Variants in N4BP2 observed in about 807,000 individuals in gnomAD.
N4BP2 encodes NEDD4-binding protein 2.
A neutral mutation model predicts 152.8 loss-of-function variants in N4BP2; 91 were observed. The observed-to-expected ratio is 0.60, with a 90% confidence interval of 0.50 to 0.71. The LOEUF (loss-of-function observed/expected upper bound fraction) is 0.71. Among genes scored for constraint, N4BP2 ranks in the 30% least tolerant of loss-of-function variants. N4BP2 has a pLI of 0.00. For synonymous variants in N4BP2, 646 were observed against 705.3 expected, an observed-to-expected ratio of 0.92 and a Z score of 1.33; for missense variants, 1,923 against 2,059.1, an observed-to-expected ratio of 0.93 and a Z score of 1.28.
rs563573940 is a variant in N4BP2 at position 40,106,641 on chromosome 4, T to C, written c.1374-259T>C. Among the ~76,000 whole-genome samples the C allele has an allele frequency of 5.3e-5, 8 of 152,258 alleles. No homozygotes were observed. The South Asian group carries it at 1.7e-3, about 32-fold the overall frequency. On this transcript the variant is annotated intron_variant, in intron 4 of 17. Coordinates refer to ENST00000261435, the MANE Select transcript of N4BP2 (RefSeq NM_018177.6). ...TCAGCTCACTGCAACCTCTGCCTCC[T>C]GGGTTCTAGCAATTCTCATGCCTCA...
At chr4:40,183,461 G>A in the N4BP2 span, among the ~76,000 whole-genome samples, 2 of 151,332 alleles carry the variant, frequency 1.3e-5, no homozygotes, top group Non-Finnish European at 2.9e-5. Flanking sequence ...TCAGCCTCCC[G>A]AGTAGCTGGG....
chr4:40,147,534 G>A (rs1315804446), intron 16 of N4BP2, among the ~76,000 whole-genome samples: 2 of 146,760 alleles, frequency 1.4e-5, no homozygotes, highest in Admixed American at 6.8e-5. Context: ...GGCTGGCCGG[G>A]CAGAGGCGCC....
intron 15 of N4BP2, among the ~76,000 whole-genome samples, chr4:40,143,232 C>T (rs1428688729): frequency 6.6e-6 from 1 of 152,064 alleles, no homozygotes; most frequent in African/African-American, 2.4e-5. Flanking sequence ...TTTCATAGTA[C>T]AAAAATAACA....
intron 2 of N4BP2, among the ~76,000 whole-genome samples, chr4:40,092,013 TATATA>T (rs1714635951): frequency 7.4e-5 from 4 of 54,158 alleles, no homozygotes; most frequent in Non-Finnish European, 1.1e-4. Context: ...AAAAATTATA[TATATA>T]TATATATATA....
At chr4:40,137,700 G>A (rs948408451) in intron 14 of N4BP2, among the ~76,000 whole-genome samples, 1 of 152,192 alleles carries the variant, frequency 6.6e-6, no homozygotes, top group African/African-American at 2.4e-5. Context: ...AGTTCACATG[G>A]GGAGCCAGCA....
At chr4:40,119,660 G>T (rs1717671674) in intron 8 of N4BP2, among the ~76,000 whole-genome samples, 2 of 151,942 alleles carry the variant, frequency 1.3e-5, no homozygotes, top group Non-Finnish European at 2.9e-5. Flanking sequence ...CACCTAAACT[G>T]AAAATCTCAT....
chr4:40,183,848 C>T, the N4BP2 span, among the ~76,000 whole-genome samples: 1 of 152,168 alleles, frequency 6.6e-6, no homozygotes, highest in Non-Finnish European at 1.5e-5. Flanking sequence ...GGTTTCTTTG[C>T]TTGTCCTCAG....
the N4BP2 span, chr4:40,167,941 TTTATC>T: frequency 1.3e-5 from 2 of 152,000 alleles, no homozygotes; most frequent in African/African-American, 4.8e-5. Flanking sequence ...TTCTAAAAGT[TTTATC>T]TTATTGGGTG....
intron 2 of N4BP2, among the ~76,000 whole-genome samples, chr4:40,074,260 T>A (rs930497799): frequency 6.6e-6 from 1 of 152,170 alleles, no homozygotes; most frequent in African/African-American, 2.4e-5. Flanking sequence ...CCAGCTAATT[T>A]TTGTATTTTT....
At chr4:40,190,107 G>T in the N4BP2 span, among the ~76,000 whole-genome samples, 1 of 152,004 alleles carries the variant, frequency 6.6e-6, no homozygotes, top group East Asian at 1.9e-4. Context: ...TTAGTAATTA[G>T]CTCACTGTAA....
At chr4:40,184,300 C>G in the N4BP2 span, among the ~76,000 whole-genome samples, 1 of 151,288 alleles carries the variant, frequency 6.6e-6, no homozygotes, top group Non-Finnish European at 1.5e-5. Context: ...AACAGGCCCT[C>G]AAAATGCAGC....
the N4BP2 span, among the ~76,000 whole-genome samples, chr4:40,186,395 C>T: frequency 6.6e-6 from 1 of 151,972 alleles, no homozygotes; most frequent in African/African-American, 2.4e-5. Flanking sequence ...AAAGGAACAA[C>T]AACTTTTCAT....
chr4:40,141,268 T>G (rs1462273410), intron 14 of N4BP2, among the ~76,000 whole-genome samples: 1 of 149,826 alleles, frequency 6.7e-6, no homozygotes, highest in Admixed American at 6.6e-5. Context: ...TGGCGGTGGG[T>G]GACCCCCACC....
chr4:40,118,371 G>T (rs1161401037), intron 8 of N4BP2, among the ~76,000 whole-genome samples: 1 of 152,230 alleles, frequency 6.6e-6, no homozygotes, highest in Non-Finnish European at 1.5e-5. Context: ...AGCTGAGGTT[G>T]CGGTGAGCCG....
At chr4:40,109,324 G>A (rs915569419) in intron 5 of N4BP2, among the ~76,000 whole-genome samples, 3 of 152,194 alleles carry the variant, frequency 2.0e-5, no homozygotes, top group African/African-American at 2.4e-5. Flanking sequence ...ATGATCTTGT[G>A]CAATTTACTT....
intron 15 of N4BP2, among the ~76,000 whole-genome samples, chr4:40,143,789 A>T (rs552240861): frequency 6.6e-6 from 1 of 152,146 alleles, no homozygotes; most frequent in Non-Finnish European, 1.5e-5. Flanking sequence ...TTATCAAAGG[A>T]TACACAAATA....
chr4:40,134,740 G>A (rs1259665295), intron 13 of N4BP2, among the ~76,000 whole-genome samples: 2 of 152,102 alleles, frequency 1.3e-5, no homozygotes, highest in Admixed American at 6.5e-5. Context: ...AGTGGAACTG[G>A]TAGTTGCACA....
chr4:40,186,800 T>C, the N4BP2 span, among the ~76,000 whole-genome samples: 2 of 152,236 alleles, frequency 1.3e-5, no homozygotes, highest in African/African-American at 4.8e-5. Flanking sequence ...AAGAACATGG[T>C]TGACTCGTGC....
At chr4:40,182,723 C>G in the N4BP2 span, among the ~76,000 whole-genome samples, 14 of 152,246 alleles carry the variant, frequency 9.2e-5, no homozygotes, top group South Asian at 2.7e-3. Context: ...GTTGCCCAGA[C>G]TGGAGTGCAG....
Sources: allele counts gnomAD v4.1 joint callset (sites outside exome capture counted in the v4.1 genomes callset), GRCh38; gene constraint gnomAD v4.1.1; transcripts MANE v1.5; gene names NCBI Gene and HGNC (gene_info 2026-07-23, HGNC 2026-07-21).